DNAJB6: variants seen among roughly 807,000 people sequenced by gnomAD.
The protein encoded by DNAJB6 is DnaJ heat shock protein family (Hsp40) member B6, also known as dnaJ homolog subfamily B member 6.
In DNAJB6, 16 loss-of-function variants were observed where a neutral mutation model predicts 42.7. That is an observed-to-expected ratio of 0.37 (90% CI 0.25 to 0.57). DNAJB6 has a LOEUF of 0.57. Ranked by LOEUF, DNAJB6 falls within the 20% of genes least tolerant of loss-of-function variation. DNAJB6 has a pLI of 0.74. For missense variants in DNAJB6, 347 were observed against 416.8 expected, an observed-to-expected ratio of 0.83 and a Z score of 1.46; for synonymous variants, 170 against 163.5, an observed-to-expected ratio of 1.04 and a Z score of -0.30.
intron 8 of DNAJB6, among the ~76,000 whole-genome samples, chr7:157,391,906 C>T (rs976525379): frequency 1.3e-5 from 2 of 151,916 alleles, no homozygotes; most frequent in African/African-American, 2.4e-5. Context: ...AGTTCAAGAC[C>T]AGCCTGGGCA....
intron 5 of DNAJB6, among the ~76,000 whole-genome samples, chr7:157,370,240 G>A (rs944941576): frequency 4.7e-5 from 7 of 149,738 alleles, no homozygotes; most frequent in African/African-American, 1.7e-4. Context: ...TATTAAACAG[G>A]CCCTTTCTTA....
intron 1 of DNAJB6, among the ~76,000 whole-genome samples, chr7:157,349,195 T>C (rs1348215178): frequency 6.6e-6 from 1 of 152,206 alleles, no homozygotes; most frequent in Non-Finnish European, 1.5e-5. Context: ...TGCATATTTG[T>C]CTACATGCCT....
intron 8 of DNAJB6, among the ~76,000 whole-genome samples, chr7:157,407,907 C>G (rs931744516): frequency 4.6e-5 from 7 of 152,202 alleles, no homozygotes; most frequent in African/African-American, 1.7e-4. Context: ...GGGGCCTGGT[C>G]GGGCGCCCTG....
chr7:157,377,615 G>A (rs181921041), intron 5 of DNAJB6, among the ~76,000 whole-genome samples: 1 of 152,288 alleles, frequency 6.6e-6, no homozygotes, highest in African/African-American at 2.4e-5. Context: ...GTGGGATGGT[G>A]TGGGGTGGGG....
At chr7:157,402,792 C>T (rs190956112) in intron 8 of DNAJB6, among the ~76,000 whole-genome samples, 3 of 152,208 alleles carry the variant, frequency 2.0e-5, no homozygotes, top group Admixed American at 6.5e-5. Context: ...TGCACTTTTC[C>T]AGGGCAGGGT....
At chr7:157,378,934 G>T (rs1347869917) in intron 5 of DNAJB6, 2 of 152,092 alleles carry the variant, frequency 1.3e-5, no homozygotes. Context: ...CACTGTTTCT[G>T]TTACAAATGA....
intron 8 of DNAJB6, among the ~76,000 whole-genome samples, chr7:157,404,550 G>A (rs13242675): frequency 1.4e-3 from 169 of 116,696 alleles, no homozygotes; most frequent in Non-Finnish European, 1.9e-3. Flanking sequence ...TCGCTCTGTT[G>A]CCCAGCCTGG....
At position 157,340,964 on chromosome 7, in the gene DNAJB6, CTGTGTGTG is replaced by C. The variant is rs35976329; in HGVS notation, c.-27+3847_-27+3854del. Among the ~76,000 whole-genome samples, 658 of 146,194 alleles carry C rather than the reference CTGTGTGTG, an allele frequency of 4.5e-3. 6 individuals carry two copies. The highest frequency in any genetic ancestry group is 0.013 in the South Asian group (59 of 4,572). On this transcript the variant is annotated intron_variant, in intron 1 of 9. Coordinates refer to ENST00000262177, the MANE Select transcript of DNAJB6 (RefSeq NM_058246.4). ...TACAGGCGTGACCCACCGCACCTGG[CTGTGTGTG>C]TGTGTGTGTGTGTGTGTGTGTGTGT... is the stretch of plus-strand genomic sequence containing the variant.
rs1306544691 is a variant in DNAJB6, at chr7:157,366,615, G to A, written c.235+54G>A. 10 of 1,530,866 alleles carry A rather than the reference G, an allele frequency of 6.5e-6. No individual in the cohort carries two copies. In the East Asian group the frequency reaches 2.3e-4, roughly 34 times the overall value. The allele number at this position is 1,530,866 out of a possible 1,614,324, so 94.8% of individuals were successfully genotyped here. On this transcript the variant is annotated intron_variant, in intron 4 of 9. Transcript: ENST00000262177. ...CAAAAGGTCTTGGCAAGTAAGTTGA[G>A]TTTGTAAATCACGAGTCTCTTGGTC...
chr7:157,366,345 C>T (rs920468759), intron 3 of DNAJB6, among the ~76,000 whole-genome samples, 157 bp from the exon 4 acceptor site: 3 of 152,206 alleles, frequency 2.0e-5, no homozygotes, highest in Admixed American at 6.5e-5. Context: ...AAAGTTTTCC[C>T]TGTTGCTTTG....
At position 157,416,193 on chromosome 7, in the gene DNAJB6, A is replaced by G. The variant is rs879110420; in HGVS notation, c.*95A>G. The G allele has an allele frequency of 1.6e-5, 24 of 1,539,006 alleles. 1 individual carries two copies. The South Asian group carries it at 1.7e-4, about 11-fold the overall frequency. ...CACGCGCTAGGTAGCAGCGTCGGTC[A>G]GGACTGTCTCGAGGCCACACTCGCT... On this transcript the variant is annotated 3_prime_UTR_variant, in exon 10 of 10. Transcript: ENST00000262177.
At chr7:157,348,026 C>A (rs774397555) in intron 1 of DNAJB6, among the ~76,000 whole-genome samples, 1 of 151,646 alleles carries the variant, frequency 6.6e-6, no homozygotes, top group African/African-American at 2.4e-5. Flanking sequence ...GAACTCTTGA[C>A]CTCAGGTGAT....
At chr7:157,350,937 CTT>C (rs200395534) in intron 1 of DNAJB6, among the ~76,000 whole-genome samples, 22 of 127,690 alleles carry the variant, frequency 1.7e-4, no homozygotes, top group Admixed American at 3.2e-4. Flanking sequence ...TTTGTCCAGT[CTT>C]TTTTTTTTTT....
At chr7:157,337,455 T>G (rs938624175) in intron 1 of DNAJB6, 3 of 151,138 alleles carry the variant, frequency 2.0e-5, no homozygotes, top group Non-Finnish European at 3.0e-5. Flanking sequence ...GGGCCCGGCC[T>G]GGGAGCGGCC....
Position 157,367,425 on chromosome 7 carries a change from A to C in DNAJB6, c.288A>C (p.Pro96=). 1.2e-6 allele frequency: 2 copies of C among 1,613,896 alleles called. No individual in the cohort carries two copies. The highest frequency in any genetic ancestry group is 1.7e-6 in the Non-Finnish European group (2 of 1,179,734). Residue 96 remains proline, a synonymous_variant, in exon 5 of 10, where the codon CCA becomes CCC. Transcript: ENST00000262177. ...PFEFGFTFRN[P]DDVFREFFGG... is the part of the protein sequence containing the mutation. ...AATTTGGCTTCACATTCCGTAACCC[A>C]GATGATGTCTTCAGGGAATTTTTTG...
At chr7:157,359,855 A>AG (rs1480242361) in intron 2 of DNAJB6, among the ~76,000 whole-genome samples, 1 of 152,174 alleles carries the variant, frequency 6.6e-6, no homozygotes, top group Non-Finnish European at 1.5e-5. Flanking sequence ...CGTTGCCTGA[A>AG]GGTTATTTGA....
At chr7:157,353,619 G>A (rs147240418) in intron 1 of DNAJB6, among the ~76,000 whole-genome samples, 103 of 146,972 alleles carry the variant, frequency 7.0e-4, no homozygotes, top group African/African-American at 2.1e-3. Context: ...GTGTGTGTGT[G>A]TGTATGTATT....
chr7:157,407,004 G>A (rs932189814), intron 8 of DNAJB6, among the ~76,000 whole-genome samples: 11 of 152,234 alleles, frequency 7.2e-5, no homozygotes, highest in Non-Finnish European at 8.8e-5. Flanking sequence ...TGGCAGCCCC[G>A]GCTGACCCAC....
At position 157,390,926 on chromosome 7, in the gene DNAJB6, C is replaced by G. The variant is rs1001654170; in HGVS notation, c.691+5315C>G. ...TCACAGCTCTCTGTAGCCTTCAACT[C>G]CTGGGCTCAAGCATTCCTCCCACCT... On this transcript the variant is annotated intron_variant, in intron 8 of 9. Transcript: ENST00000262177. Among the ~76,000 whole-genome samples, 28 of 152,316 alleles carry G rather than the reference C, an allele frequency of 1.8e-4. 1 individual carries two copies. The highest frequency in any genetic ancestry group is 1.4e-3 in the Admixed American group (22 of 15,290).
Sources: allele counts gnomAD v4.1 joint callset (sites outside exome capture counted in the v4.1 genomes callset), GRCh38; gene constraint gnomAD v4.1.1; transcripts MANE v1.5; gene names NCBI Gene and HGNC (gene_info 2026-07-23, HGNC 2026-07-21).